IGSF9B: variants seen among roughly 807,000 people sequenced by gnomAD.
The protein encoded by IGSF9B is immunoglobulin superfamily member 9B, also known as protein turtle homolog B.
A neutral mutation model predicts 143.7 loss-of-function variants in IGSF9B; 48 were observed. That is an observed-to-expected ratio of 0.33 (90% CI 0.26 to 0.42). The LOEUF is 0.42. IGSF9B is among the 20% of genes least tolerant of loss of function. The pLI is 1.00. For missense variants in IGSF9B, 1,706 were observed against 1,980.0 expected (o/e 0.86, Z 2.63); for synonymous variants, 903 against 833.1 (o/e 1.08, Z -1.44).
At position 133,900,552 on chromosome 11, in the gene IGSF9B, T is replaced by A. The variant is rs1037855859; in HGVS notation, c.*8517A>T. On this transcript the variant is annotated 3_prime_UTR_variant, in exon 20 of 20. Transcript: ENST00000533871. ...TGTGGGTCCAGTTCTGCCAATACAT[T>A]GTTCAGTTTTGTAAGTCCCCGGCTG... is the stretch of plus-strand genomic sequence containing the variant. 6.6e-6 allele frequency: 1 copy of A among 152,536 alleles called. No individual in the cohort carries two copies. Among genetic ancestry groups the A allele is most frequent in the African/African-American group, 2.4e-5 (1 of 41,398 alleles). The allele number at this position is 152,536 out of a possible 1,614,324, so 9.4% of individuals were successfully genotyped here.
At position 133,931,793 on chromosome 11, in the gene IGSF9B, G is replaced by A; in HGVS notation, c.1113C>T (p.Asn371=). Residue 371 remains asparagine, a splice_region_variant and synonymous_variant, in exon 9 of 20, where the codon AAC becomes AAT. Transcript: ENST00000533871. This position sits in a 1 kb window ranked among gnomAD's most constrained non-coding sequence, Gnocchi z 7.7. ...KDGRPLQVEK[N]LGWTLMEDGS... is the part of the protein sequence containing the mutation. Reference sequence around the variant, plus strand: ...CATCCTCCATCAGGGTCCAACCGAGGTTCTGCCAGACACAGACGATAGGGC... The same window carrying A: ...CATCCTCCATCAGGGTCCAACCGAGATTCTGCCAGACACAGACGATAGGGC... 6.2e-7 allele frequency: 1 copy of A among 1,611,744 alleles called. No individual in the cohort carries two copies. The highest frequency in any genetic ancestry group is 8.5e-7 in the Non-Finnish European group (1 of 1,179,346).
At chr11:133,933,976 G>A (rs1022569886) in intron 7 of IGSF9B, among the ~76,000 whole-genome samples, 6 of 147,300 alleles carry the variant, frequency 4.1e-5, no homozygotes, top group Non-Finnish European at 7.5e-5. Context: ...ACTTTTGTAT[G>A]GTAGAGTTTT....
At position 133,946,248 on chromosome 11, in the gene IGSF9B, G is replaced by T; in HGVS notation, c.75C>A (p.Gly25=). 1 of 1,613,280 alleles carries T rather than the reference G, an allele frequency of 6.2e-7. No individual in the cohort carries two copies. Among genetic ancestry groups the T allele is most frequent in the Admixed American group, 1.7e-5 (1 of 59,954 alleles). ...TRGLAAEGAH[G]LREEPEFVTA... ...TCACAAACTCGGGCTCCTCTCGCAGGCCGTGGGCGCCTGATGGGGACGGCC... is the reference window on the plus strand; with the variant it reads ...TCACAAACTCGGGCTCCTCTCGCAGTCCGTGGGCGCCTGATGGGGACGGCC... Residue 25 remains glycine, a synonymous_variant, in exon 2 of 20, where the codon GGC becomes GGA. Transcript: ENST00000533871.
At position 133,899,881 on chromosome 11, in the gene IGSF9B, G is replaced by C. The variant is rs188450676; in HGVS notation, c.*9188C>G. The C allele has an allele frequency of 6.6e-6, 1 of 152,274 alleles. No homozygotes were observed. Among genetic ancestry groups the C allele is most frequent in the East Asian group, 1.9e-4 (1 of 5,158 alleles). 9.4% of individuals were successfully genotyped at this position (152,274 alleles called of 1,614,324 possible). A position where few individuals can be genotyped will look rare whatever the true frequency, so the allele number is the denominator to read the frequency against. ...TCTTACAAGAAACACTCAGCTGCAG[G>C]AGCCTGCAAGAAAGATCATTCAAGG... On this transcript the variant is annotated 3_prime_UTR_variant, in exon 20 of 20. Coordinates refer to ENST00000533871, the MANE Select transcript of IGSF9B (RefSeq NM_001277285.4).
rs1198394019 is a variant in IGSF9B, at chr11:133,921,318, G to A, written c.2407C>T (p.Pro803Ser). 1 of 1,601,256 alleles carries A rather than the reference G, an allele frequency of 6.2e-7. No homozygotes were observed. Among genetic ancestry groups the A allele is most frequent in the Non-Finnish European group, 8.5e-7 (1 of 1,172,868 alleles). ...PSESSDDQGQ[P>S]AAKRMLSPTR... ...GGGCTCAGCATCCTCTTGGCCGCGG[G>A]CTGGCCCTGGTCGTCGGAGGATTCT... Residue 803 changes from proline to serine, a missense_variant, in exon 18 of 20, where the codon CCC (proline) becomes TCC (serine). Physicochemically the swap from Pro to Ser is moderately conservative, Grantham distance 74 (BLOSUM62 -1). Transcript: ENST00000533871.
rs373045318 is a variant in IGSF9B at position 133,913,591 on chromosome 11, G to C, written c.3984-1584C>G. ...CAACCTCTTGACTTTCCATAGCCCT[G>C]ACAGCAGAGCTAAGAAGGCTACACA... On this transcript the variant is annotated intron_variant, in intron 18 of 19. Coordinates refer to ENST00000533871, the MANE Select transcript of IGSF9B (RefSeq NM_001277285.4). The surrounding 1 kb of genome is among the most constrained non-coding windows in gnomAD (Gnocchi z 4.6). Among the ~76,000 whole-genome samples the C allele has an allele frequency of 5.2e-4, 79 of 152,308 alleles. No individual in the cohort carries two copies. Among genetic ancestry groups the C allele is most frequent in the African/African-American group, 1.9e-3 (77 of 41,574 alleles).
intron 6 of IGSF9B, 68 bp from the exon 7 acceptor site, chr11:133,935,830 C>T: frequency 1.9e-6 from 3 of 1,557,496 alleles, no homozygotes; most frequent in Non-Finnish European, 2.6e-6. Flanking sequence ...CACACAGTCA[C>T]CGTCACTGCC....
chr11:133,954,765 G>C (rs905096807), intron 1 of IGSF9B, among the ~76,000 whole-genome samples: 1 of 152,104 alleles, frequency 6.6e-6, no homozygotes, highest in Non-Finnish European at 1.5e-5. Flanking sequence ...ACCACACACA[G>C]AGCAATTGAG....
At chr11:133,924,973 A>C in intron 14 of IGSF9B, 69 bp from the exon 15 acceptor site, 18 of 1,311,844 alleles carry the variant, frequency 1.4e-5, no homozygotes, top group Non-Finnish European at 2.0e-5. Context: ...TCACACACTC[A>C]TCCTGCACAC....
In IGSF9B at chr11:133,925,778, G is replaced by C. The variant is rs182895238; in HGVS notation, c.1995C>G (p.Pro665=). ...ERWELLDDGI[P]GTEGEFFAKD... is the part of the protein sequence containing the mutation. Reference sequence around the variant, plus strand: ...TGGCAAAGAACTCTCCTTCGGTGCCGGGGATGCCATCGTCGAGCAACTCCC... The same window carrying C: ...TGGCAAAGAACTCTCCTTCGGTGCCCGGGATGCCATCGTCGAGCAACTCCC... Residue 665 remains proline, a synonymous_variant, in exon 14 of 20, where the codon CCC becomes CCG. Coordinates refer to ENST00000533871, the MANE Select transcript of IGSF9B (RefSeq NM_001277285.4). 6.2e-7 allele frequency: 1 copy of C among 1,613,568 alleles called. No homozygotes were observed. The highest frequency in any genetic ancestry group is 1.3e-5 in the African/African-American group (1 of 74,948).
At position 133,927,041 on chromosome 11, in the gene IGSF9B, G is replaced by A. The variant is rs761987498; in HGVS notation, c.1682C>T (p.Pro561Leu). ...CACCAGCAGCCAGCTGGGTCCTGGC[G>A]GCACTGGCAAGGACAGCCAGTCATG... Reference protein sequence around the residue: ...GPHDWLSLPVPPGPSWLLVDT... With the variant: ...GPHDWLSLPVLPGPSWLLVDT... The change falls in exon 13 of 20, where the codon CCG (proline) becomes CTG (leucine). Residue 561 changes from proline to leucine, a missense_variant. Coordinates refer to ENST00000533871, the MANE Select transcript of IGSF9B (RefSeq NM_001277285.4). 1.9e-5 allele frequency: 29 copies of A among 1,564,300 alleles called. No individual in the cohort carries two copies. Among genetic ancestry groups the A allele is most frequent in the African/African-American group, 4.1e-5 (3 of 73,622 alleles).
At chr11:133,938,046 C>T (rs1169254321) in intron 3 of IGSF9B, 85 bp from the exon 4 acceptor site, 1 of 1,417,728 alleles carries the variant, frequency 7.1e-7, no homozygotes, top group Non-Finnish European at 9.7e-7. Flanking sequence ...ACACATCACC[C>T]TCGCTGCGGC....
Position 133,919,759 on chromosome 11 carries a change from G to A in IGSF9B, c.3966C>T (p.Pro1322=). The A allele has an allele frequency of 4.8e-6, 7 of 1,471,354 alleles. No individual in the cohort carries two copies. The highest frequency in any genetic ancestry group is 6.3e-6 in the Non-Finnish European group (7 of 1,108,572). The allele number at this position is 1,471,354 out of a possible 1,614,324, so 91.1% of individuals were successfully genotyped here. A position where few individuals can be genotyped will look rare whatever the true frequency, so the allele number is the denominator to read the frequency against. The change falls in exon 18 of 20, where the codon CCC becomes CCT. Residue 1322 remains proline (P), a synonymous_variant. Coordinates refer to ENST00000533871, the MANE Select transcript of IGSF9B (RefSeq NM_001277285.4). ...EELLRPETPP[P]TLPTSGTLPP... ...GCACTCACCCTGAAGTAGGTAACGT[G>A]GGTGGTGGGGTCTCCGGTCGGAGCA...
chr11:133,956,304 G>A (rs1342240561), intron 1 of IGSF9B, among the ~76,000 whole-genome samples: 1 of 152,158 alleles, frequency 6.6e-6, no homozygotes, highest in Non-Finnish European at 1.5e-5. Flanking sequence ...CCTGCCCGGA[G>A]ACCGCAAACT....
At chr11:133,930,843 C>T (rs1331157691) in intron 11 of IGSF9B, 141 bp downstream of exon 11, 11 of 830,172 alleles carry the variant, frequency 1.3e-5, no homozygotes, top group South Asian at 6.2e-5. Flanking sequence ...GTGCTGGACG[C>T]GGAGTTCAGG....
At position 133,901,733 on chromosome 11, in the gene IGSF9B, G is replaced by A. The variant is rs2121252961; in HGVS notation, c.*7336C>T. 1 of 152,116 alleles carries A rather than the reference G, an allele frequency of 6.6e-6. No homozygotes were observed. The highest frequency in any genetic ancestry group is 6.6e-5 in the Admixed American group (1 of 15,264). The allele number at this position is 152,116 out of a possible 1,614,324, so 9.4% of individuals were successfully genotyped here. Reference sequence around the variant, plus strand: ...CTAGCAAAAGAGCCAAACAAAGGAGGGTCTCCTGGGCCTGACACTACGCAG... The same window carrying A: ...CTAGCAAAAGAGCCAAACAAAGGAGAGTCTCCTGGGCCTGACACTACGCAG... On this transcript the variant is annotated 3_prime_UTR_variant, in exon 20 of 20. Transcript: ENST00000533871.
Position 133,909,206 on chromosome 11 carries a change from G to C in IGSF9B, c.4177C>G (p.Arg1393Gly), listed in dbSNP as rs1186715166. Reference protein sequence around the residue: ...VLWPDEAVCLRKKKRHSRPDP... With the variant: ...VLWPDEAVCLGKKKRHSRPDP... ...GGACGAGAATGTCTCTTCTTCTTTC[G>C]GAGGCAGACAGCTTCATCGGGCCAC... is the stretch of plus-strand genomic sequence containing the variant. Residue 1393 changes from arginine to glycine, a missense_variant, in exon 20 of 20, where the codon CGA (arginine) becomes GGA (glycine). By Grantham distance (125) the Arg-to-Gly change is moderately radical (BLOSUM62 -2). Transcript: ENST00000533871. The surrounding 1 kb of genome is among the most constrained non-coding windows in gnomAD (Gnocchi z 4.2). 1.3e-6 allele frequency: 2 copies of C among 1,535,862 alleles called. No homozygotes were observed. Among genetic ancestry groups the C allele is most frequent in the East Asian group, 2.4e-5 (1 of 40,910 alleles).
intron 13 of IGSF9B, 78 bp downstream of exon 13, chr11:133,926,838 G>A (rs768131175): frequency 5.0e-5 from 63 of 1,264,000 alleles, no homozygotes; most frequent in African/African-American, 8.9e-5. Flanking sequence ...ACAGGAGGCC[G>A]ACTGCTATAG....
Position 133,934,945 on chromosome 11 carries a change from C to G in IGSF9B, c.967+672G>C, listed in dbSNP as rs77411340. ...ACAAATCAAAAGGAAGATATTACTC[C>G]TCATTACTCATCCTTCTCTGTCTCA... is the stretch of plus-strand genomic sequence containing the variant. On this transcript the variant is annotated intron_variant, in intron 7 of 19. Coordinates refer to ENST00000533871, the MANE Select transcript of IGSF9B (RefSeq NM_001277285.4). Among the ~76,000 whole-genome samples, 435 of 152,364 alleles carry G rather than the reference C, an allele frequency of 2.9e-3. 3 individuals are homozygous for G. Among genetic ancestry groups the G allele is most frequent in the Middle Eastern group, 0.02 (6 of 294 alleles).
Sources: allele counts gnomAD v4.1 joint callset (sites outside exome capture counted in the v4.1 genomes callset), GRCh38; gene constraint gnomAD v4.1.1; non-coding constraint Gnocchi (gnomAD v3.1); transcripts MANE v1.5; gene names NCBI Gene and HGNC (gene_info 2026-07-23, HGNC 2026-07-21).